B3GLCT: variants seen among roughly 807,000 people sequenced by gnomAD.
The protein encoded by B3GLCT is beta 3-glucosyltransferase, also known as beta-1,3-glucosyltransferase.
B3GLCT carries 65 observed loss-of-function variants against 63.4 expected under a neutral mutation model. The observed-to-expected ratio is 1.03, with a 90% CI of 0.84 to 1.26. The LOEUF is 1.26. Ranked by LOEUF, B3GLCT falls within the 50% of genes most tolerant of loss-of-function variation. The probability of loss-of-function intolerance (pLI) is 0.00; values close to 1 mark genes in which losing one functional copy is unlikely to be tolerated. For synonymous variants in B3GLCT, 233 were observed against 219.2 expected (o/e 1.06, Z -0.55); for missense variants, 577 against 604.8 (o/e 0.95, Z 0.48).
At chr13:31,292,419 G>C (rs546794263) in intron 12 of B3GLCT, among the ~76,000 whole-genome samples, 67 of 152,228 alleles carry the variant, frequency 4.4e-4, no homozygotes, top group African/African-American at 1.6e-3. Flanking sequence ...AGTGGAATTC[G>C]GCTGTGAGTC....
chr13:31,319,213 C>T (rs146685181), intron 13 of B3GLCT, among the ~76,000 whole-genome samples: 1 of 152,312 alleles, frequency 6.6e-6, no homozygotes, highest in East Asian at 1.9e-4. Flanking sequence ...CAAGGTGGCA[C>T]CTTTAACTTC....
chr13:31,275,236 A>G (rs1872728122), intron 9 of B3GLCT, among the ~76,000 whole-genome samples: 1 of 152,228 alleles, frequency 6.6e-6, no homozygotes. Context: ...TAGTAATAAC[A>G]ATCATACAAG....
chr13:31,216,482 G>C (rs955548702), intron 2 of B3GLCT, among the ~76,000 whole-genome samples: 3 of 151,890 alleles, frequency 2.0e-5, no homozygotes, highest in Non-Finnish European at 4.4e-5. Context: ...AGGGGTACAT[G>C]TGCAGGTTTG....
intron 10 of B3GLCT, among the ~76,000 whole-genome samples, chr13:31,280,404 T>G (rs996874451): frequency 1.3e-5 from 2 of 152,180 alleles, no homozygotes; most frequent in African/African-American, 4.8e-5. Flanking sequence ...GTAGAAATAC[T>G]TCAGTAACAA....
intron 12 of B3GLCT, among the ~76,000 whole-genome samples, chr13:31,294,153 C>T (rs1339663225): frequency 1.3e-5 from 2 of 152,178 alleles, no homozygotes; most frequent in African/African-American, 4.8e-5. Flanking sequence ...CTTCTTGTGG[C>T]TTATAGGGTT....
chr13:31,260,112 G>T (rs1307879828), intron 6 of B3GLCT, among the ~76,000 whole-genome samples: 2 of 152,136 alleles, frequency 1.3e-5, no homozygotes, highest in Non-Finnish European at 2.9e-5. Flanking sequence ...CCCACACCCA[G>T]TAGCTCCAGC....
At position 31,300,178 on chromosome 13, in the gene B3GLCT, A is replaced by C. The variant is rs547174450; in HGVS notation, c.1064+13359A>C. ...GTAGTGTAGAATCCAGTGGCTCCTC[A>C]CATAGTTCCAGAGTCAGTTTTAGGG... On this transcript the variant is annotated intron_variant, in intron 12 of 14. Transcript: ENST00000343307. Among the ~76,000 whole-genome samples the C allele has an allele frequency of 2.6e-5, 4 of 152,056 alleles. No homozygotes were observed. The South Asian group carries it at 8.3e-4, about 32-fold the overall frequency.
At chr13:31,317,470 T>C in intron 12 of B3GLCT, 96 bp from the exon 13 acceptor site, 2 of 1,399,436 alleles carry the variant, frequency 1.4e-6, no homozygotes, top group Non-Finnish European at 2.0e-6. Context: ...AGTTTAGTAT[T>C]ACACAGTATA....
chr13:31,282,475 T>A (rs1873117857), intron 10 of B3GLCT, among the ~76,000 whole-genome samples: 1 of 151,660 alleles, frequency 6.6e-6, no homozygotes, highest in Admixed American at 6.6e-5. Flanking sequence ...CTGTCTCTAC[T>A]AAAAAATACA....
chr13:31,223,667 C>T (rs1869943417), intron 3 of B3GLCT, among the ~76,000 whole-genome samples: 2 of 152,170 alleles, frequency 1.3e-5, no homozygotes, highest in Non-Finnish European at 2.9e-5. Context: ...TGTAAGGCCA[C>T]ACCTCTGTGT....
At chr13:31,280,940 G>A (rs1873040055) in intron 10 of B3GLCT, among the ~76,000 whole-genome samples, 1 of 152,262 alleles carries the variant, frequency 6.6e-6, no homozygotes, top group East Asian at 1.9e-4. Flanking sequence ...GATGAATTGG[G>A]CATAGCATGT....
intron 14 of B3GLCT, 120 bp from the exon 15 acceptor site, chr13:31,329,381 A>T (rs1202452004): frequency 2.3e-5 from 27 of 1,163,760 alleles, no homozygotes; most frequent in Admixed American, 7.4e-5. Flanking sequence ...TTGCTTTTAG[A>T]TTCCTATAGC....
chr13:31,264,691 T>C lies in B3GLCT; in HGVS notation c.596+3609T>C, dbSNP rs547222680. ...TATTTATTCTTCAAGAAACTGGTAT[T>C]ATACTCAGGACTAAAGGAAGGATAA... On this transcript the variant is annotated intron_variant, in intron 7 of 14. Coordinates refer to ENST00000343307, the MANE Select transcript of B3GLCT (RefSeq NM_194318.4). Among the ~76,000 whole-genome samples the C allele has an allele frequency of 2.2e-4, 34 of 152,338 alleles. No homozygotes were observed. The South Asian group carries it at 2.5e-3, about 11-fold the overall frequency.
intron 4 of B3GLCT, among the ~76,000 whole-genome samples, chr13:31,232,403 G>A (rs555724954): frequency 7.6e-6 from 1 of 131,992 alleles, no homozygotes; most frequent in African/African-American, 2.6e-5. Flanking sequence ...CATCTTATGT[G>A]GCTGGAGCAG....
intron 11 of B3GLCT, among the ~76,000 whole-genome samples, chr13:31,286,398 TAA>T: frequency 6.6e-6 from 1 of 152,326 alleles, no homozygotes; most frequent in Admixed American, 6.5e-5. Flanking sequence ...CTGTGAGTCT[TAA>T]AACTTTCTTG....
In B3GLCT at chr13:31,235,770, G is replaced by C. The variant is rs1870619221; in HGVS notation, c.270+6476G>C. Among the ~76,000 whole-genome samples, 2 of 152,186 alleles carry C rather than the reference G, an allele frequency of 1.3e-5. 1 individual carries two copies. Among genetic ancestry groups the C allele is most frequent in the South Asian group, 4.1e-4 (2 of 4,832 alleles). On this transcript the variant is annotated intron_variant, in intron 4 of 14. Transcript: ENST00000343307. Reference sequence around the variant, plus strand: ...AATCATGTTGTGTAACAGATCTCCAGAGCTTTTTTATCTTGTGAAACTAAA... The same window carrying C: ...AATCATGTTGTGTAACAGATCTCCACAGCTTTTTTATCTTGTGAAACTAAA...
chr13:31,301,907 T>C (rs551132739), intron 12 of B3GLCT, among the ~76,000 whole-genome samples: 1 of 152,206 alleles, frequency 6.6e-6, no homozygotes, highest in Non-Finnish European at 1.5e-5. Context: ...ATTCATTCCA[T>C]TTTTTAATAA....
intron 4 of B3GLCT, 105 bp from the exon 5 acceptor site, chr13:31,246,918 T>G: frequency 3.3e-6 from 3 of 898,156 alleles, no homozygotes; most frequent in Middle Eastern, 3.1e-4. Context: ...AGCCAAGCCT[T>G]TTCTTTTTTT....
intron 2 of B3GLCT, among the ~76,000 whole-genome samples, chr13:31,216,817 T>C (rs775972246): frequency 6.6e-6 from 1 of 152,240 alleles, no homozygotes; most frequent in Non-Finnish European, 1.5e-5. Context: ...TTCCATGGTG[T>C]ATCCATACCA....
Sources: allele counts gnomAD v4.1 joint callset (sites outside exome capture counted in the v4.1 genomes callset), GRCh38; gene constraint gnomAD v4.1.1; transcripts MANE v1.5; gene names NCBI Gene and HGNC (gene_info 2026-07-23, HGNC 2026-07-21).